The following ADAMTS9 variants were observed in gnomAD, a reference collection of about 807,000 sequenced individuals.
ADAMTS9 encodes A disintegrin and metalloproteinase with thrombospondin motifs 9.
In ADAMTS9, 107 loss-of-function variants were observed where a neutral mutation model predicts 257.1. The ratio of observed to expected loss-of-function variants is 0.42; its 90% CI spans 0.36 to 0.49. ADAMTS9 has a LOEUF of 0.49. Among genes scored for constraint, ADAMTS9 ranks in the 20% least tolerant of loss-of-function variants. The probability of loss-of-function intolerance (pLI) is 0.03; values close to 1 mark genes in which losing one functional copy is unlikely to be tolerated. For missense variants in ADAMTS9, 2,353 were observed against 2,469.1 expected (o/e 0.95, Z 1.00); for synonymous variants, 982 against 880.9 (o/e 1.11, Z -2.03).
In ADAMTS9 at chr3:64,522,247, A is replaced by C; in HGVS notation, c.5732T>G (p.Val1911Gly). The stretch of plus-strand genomic sequence containing the variant: ...ACAGTAACCACCGCATTTCCCTACG[A>C]CTCGGGTACCATCCTGCAAGGAGAT... ...DIKKSPDGTR[V>G]VGKCGGYCGK... is the part of the protein sequence containing the mutation. The change falls in exon 39 of 40, where the codon GTC (valine) becomes GGC (glycine). Residue 1911 changes from valine (V) to glycine (G), a missense_variant. Transcript: ENST00000498707. 1 of 1,613,928 alleles carries C rather than the reference A, an allele frequency of 6.2e-7. No homozygotes were observed. The highest frequency in any genetic ancestry group is 1.1e-5 in the South Asian group (1 of 91,064).
intron 3 of ADAMTS9, among the ~76,000 whole-genome samples, chr3:64,668,688 A>G (rs542216383): frequency 2.0e-5 from 3 of 152,266 alleles, no homozygotes; most frequent in Admixed American, 2.0e-4. Flanking sequence ...GACTCTCATT[A>G]CTTAGAATGA....
At chr3:64,620,978 G>A in intron 19 of ADAMTS9, 136 bp downstream of exon 19, 1 of 1,105,716 alleles carries the variant, frequency 9.0e-7, no homozygotes, top group Non-Finnish European at 1.3e-6. Context: ...ATGGAGAATT[G>A]GTTAAAGCTT....
chr3:64,602,846 T>C (rs1245769496), intron 25 of ADAMTS9, among the ~76,000 whole-genome samples: 1 of 152,230 alleles, frequency 6.6e-6, no homozygotes, highest in Non-Finnish European at 1.5e-5. Flanking sequence ...TCCTTATTTG[T>C]TCATTGACTG....
rs139625811 is a variant in ADAMTS9, at chr3:64,534,364, C to T, written c.5614-1094G>A. 5.0e-3 allele frequency among the ~76,000 whole-genome samples: 756 copies of T among 152,266 alleles called. 11 individuals carry two copies. Among genetic ancestry groups the T allele is most frequent in the African/African-American group, 0.017 (725 of 41,556 alleles). On this transcript the variant is annotated intron_variant, in intron 37 of 39. Coordinates refer to ENST00000498707, the MANE Select transcript of ADAMTS9 (RefSeq NM_182920.2). Reference sequence around the variant, plus strand: ...ACTAAAAGAAATCAGCTATGGCTGGCGCTTAGTAGATATGCAAAAAGATGG... The same window carrying T: ...ACTAAAAGAAATCAGCTATGGCTGGTGCTTAGTAGATATGCAAAAAGATGG...
chr3:64,545,989 T>G (rs925184048), intron 32 of ADAMTS9, among the ~76,000 whole-genome samples: 4 of 152,212 alleles, frequency 2.6e-5, no homozygotes, highest in African/African-American at 9.6e-5. Flanking sequence ...ATATTCTGCC[T>G]TGTTGTATCC....
intron 38 of ADAMTS9, among the ~76,000 whole-genome samples, chr3:64,529,596 G>A (rs1048101510): frequency 3.3e-5 from 5 of 152,174 alleles, no homozygotes; most frequent in African/African-American, 9.7e-5. Flanking sequence ...AGTAGGTATC[G>A]AGTGGGAACA....
chr3:64,647,010 C>A (rs1002994580), intron 11 of ADAMTS9, among the ~76,000 whole-genome samples: 1 of 151,726 alleles, frequency 6.6e-6, no homozygotes, highest in African/African-American at 2.4e-5. Flanking sequence ...TGGGTGCTAC[C>A]AATTCTATAA....
At chr3:64,632,839 A>C (rs1411485091) in intron 14 of ADAMTS9, among the ~76,000 whole-genome samples, 1 of 151,812 alleles carries the variant, frequency 6.6e-6, no homozygotes, top group African/African-American at 2.4e-5. Flanking sequence ...AAAAAAAAAA[A>C]AACAAACAAA....
chr3:64,647,204 T>A (rs1046087913), intron 11 of ADAMTS9, among the ~76,000 whole-genome samples: 3 of 152,204 alleles, frequency 2.0e-5, no homozygotes, highest in African/African-American at 7.2e-5. Flanking sequence ...ATGTGTATTT[T>A]TTTTTTAAAT....
At chr3:64,631,770 C>A (rs1038732995) in intron 15 of ADAMTS9, 38 bp downstream of exon 15, 1 of 1,537,210 alleles carries the variant, frequency 6.5e-7, no homozygotes, top group Non-Finnish European at 9.0e-7. Context: ...AAACTTTGAC[C>A]ATATTCCTTC....
At chr3:64,576,938 C>T (rs1228357803) in intron 28 of ADAMTS9, among the ~76,000 whole-genome samples, 1 of 152,196 alleles carries the variant, frequency 6.6e-6, no homozygotes, top group Non-Finnish European at 1.5e-5. Flanking sequence ...CTTCCACTCC[C>T]ACCCCAACGC....
chr3:64,617,909 C>T (rs1041990059), intron 19 of ADAMTS9, among the ~76,000 whole-genome samples: 2 of 152,168 alleles, frequency 1.3e-5, no homozygotes, highest in Admixed American at 6.6e-5. Flanking sequence ...ACAATCTTCT[C>T]TTCAGTCTTT....
At chr3:64,575,585 G>A (rs554838233) in intron 28 of ADAMTS9, among the ~76,000 whole-genome samples, 11 of 152,262 alleles carry the variant, frequency 7.2e-5, no homozygotes, top group Admixed American at 2.6e-4. Context: ...GGGGTGGTGG[G>A]GAGGGTGCTT....
At chr3:64,593,993 GTGTGTGTGTA>G (rs1441361439) in intron 28 of ADAMTS9, among the ~76,000 whole-genome samples, 13 of 150,516 alleles carry the variant, frequency 8.6e-5, no homozygotes, top group African/African-American at 2.7e-4. Flanking sequence ...GTGTGTGTGT[GTGTGTGTGTA>G]TTTAGGCTAA....
chr3:64,562,943 A>G (rs535515237), intron 29 of ADAMTS9: 1 of 152,358 alleles, frequency 6.6e-6, no homozygotes, highest in South Asian at 2.1e-4. Context: ...GTAACTTGAG[A>G]AATCATACTG....
intron 30 of ADAMTS9, among the ~76,000 whole-genome samples, chr3:64,558,097 G>A (rs1396598446): frequency 6.6e-6 from 1 of 152,136 alleles, no homozygotes; most frequent in Admixed American, 6.5e-5. Flanking sequence ...CCAGTAAAGG[G>A]AATACACTTT....
At chr3:64,649,931 A>T in intron 9 of ADAMTS9, 153 bp from the exon 10 acceptor site, 1 of 961,988 alleles carries the variant, frequency 1.0e-6, no homozygotes, top group Non-Finnish European at 1.5e-6. Context: ...GATTAAATCC[A>T]GATGCTGAAG....
At chr3:64,616,963 T>C (rs1699956651) in intron 19 of ADAMTS9, among the ~76,000 whole-genome samples, 1 of 152,066 alleles carries the variant, frequency 6.6e-6, no homozygotes, top group South Asian at 2.1e-4. Flanking sequence ...TAAAAAAGAG[T>C]TCTGGCCTCA....
chr3:64,639,385 C>T (rs1355548860), intron 12 of ADAMTS9, among the ~76,000 whole-genome samples: 2 of 133,898 alleles, frequency 1.5e-5, no homozygotes, highest in East Asian at 2.4e-4. Flanking sequence ...CTTTAATGAT[C>T]GGTTCTTAAC....
Sources: gnomAD v4.1 joint callset for allele counts (sites outside exome capture counted in the v4.1 genomes callset) on GRCh38, gnomAD v4.1.1 for gene constraint, MANE v1.5 for transcripts, NCBI Gene and HGNC (gene_info 2026-07-23, HGNC 2026-07-21) for gene names.